RPS6KA5: variants seen among roughly 807,000 people sequenced by gnomAD.
RPS6KA5 encodes ribosomal protein S6 kinase A5.
RPS6KA5 carries 27 observed loss-of-function variants against 85.5 expected under a neutral mutation model. That is an observed-to-expected ratio of 0.32 (90% CI 0.23 to 0.44). The LOEUF is 0.44. Ranked by LOEUF, RPS6KA5 falls within the 20% of genes least tolerant of loss-of-function variation. The probability of loss-of-function intolerance (pLI) is 1.00; values close to 1 mark genes in which losing one functional copy is unlikely to be tolerated. For synonymous variants in RPS6KA5, 334 were observed against 348.2 expected (o/e 0.96, Z 0.46); for missense variants, 811 against 980.9 (o/e 0.83, Z 2.31).
chr14:90,977,974 G>C (rs916538245), intron 3 of RPS6KA5, among the ~76,000 whole-genome samples: 4 of 152,152 alleles, frequency 2.6e-5, no homozygotes, highest in African/African-American at 9.7e-5. Flanking sequence ...AGAATCACCT[G>C]AACCTGGGAG....
At chr14:90,942,407 T>C (rs2037620640) in intron 5 of RPS6KA5, among the ~76,000 whole-genome samples, 1 of 152,230 alleles carries the variant, frequency 6.6e-6, no homozygotes. Context: ...GAATAACTAG[T>C]AGTGCAGAAA....
chr14:90,965,825 T>C (rs778463587), intron 3 of RPS6KA5, among the ~76,000 whole-genome samples: 1 of 152,062 alleles, frequency 6.6e-6, no homozygotes, highest in Non-Finnish European at 1.5e-5. Context: ...TCTAGGTTAG[T>C]AAGGGTGCAG....
intron 2 of RPS6KA5, among the ~76,000 whole-genome samples, chr14:90,980,881 T>G (rs1406596554): frequency 6.6e-6 from 1 of 152,204 alleles, no homozygotes; most frequent in Non-Finnish European, 1.5e-5. Context: ...TTGAAAATCT[T>G]CCTTATATTG....
Position 90,872,022 on chromosome 14 carries a change from A to G in RPS6KA5, c.*52T>C. The G allele has an allele frequency of 6.4e-7, 1 of 1,562,394 alleles. No homozygotes were observed. Among genetic ancestry groups the G allele is most frequent in the Non-Finnish European group, 8.6e-7 (1 of 1,156,508 alleles). ...AAAAGCATAAAAGATCGCCTCAGGC[A>G]TATGCTGAGGGAATAAAGGTGCAAT... On this transcript the variant is annotated 3_prime_UTR_variant, in exon 17 of 17. Transcript: ENST00000614987.
At chr14:91,000,544 C>T (rs900237389) in intron 2 of RPS6KA5, among the ~76,000 whole-genome samples, 1 of 152,102 alleles carries the variant, frequency 6.6e-6, no homozygotes, top group Non-Finnish European at 1.5e-5. Context: ...TGCCTATAAT[C>T]CCAGCCCTCT....
At chr14:90,914,507 GTT>G (rs1321856929) in intron 7 of RPS6KA5, among the ~76,000 whole-genome samples, 2 of 151,852 alleles carry the variant, frequency 1.3e-5, no homozygotes, top group Non-Finnish European at 2.9e-5. Flanking sequence ...TAGAGATGGG[GTT>G]TTGCCATGTT....
Position 90,910,072 on chromosome 14 carries a change from G to A in RPS6KA5, c.807-3773C>T, listed in dbSNP as rs144875898. Reference sequence around the variant, plus strand: ...ATTACAGGCGTGAGCCACCGTGCCCGGCCAAAAACTTGCATTATTTAAAAA... The same window carrying A: ...ATTACAGGCGTGAGCCACCGTGCCCAGCCAAAAACTTGCATTATTTAAAAA... On this transcript the variant is annotated intron_variant, in intron 7 of 16. Transcript: ENST00000614987. Among the ~76,000 whole-genome samples, 878 of 150,880 alleles carry A rather than the reference G, an allele frequency of 5.8e-3. 15 individuals carry two copies. The highest frequency in any genetic ancestry group is 0.017 in the Middle Eastern group (5 of 294).
intron 13 of RPS6KA5, chr14:90,894,150 T>C (rs2034706171): frequency 4.2e-5 from 46 of 1,094,936 alleles, no homozygotes; most frequent in Non-Finnish European, 5.1e-5. Flanking sequence ...AACTGTTGCA[T>C]AAAGTATTTT....
chr14:90,917,946 C>T (rs1194691559), intron 7 of RPS6KA5, among the ~76,000 whole-genome samples: 1 of 152,120 alleles, frequency 6.6e-6, no homozygotes, highest in Admixed American at 6.5e-5. Context: ...TTGACAGATA[C>T]CTGGATTATT....
At chr14:90,968,584 TA>T (rs2039180593) in intron 3 of RPS6KA5, among the ~76,000 whole-genome samples, 1 of 152,106 alleles carries the variant, frequency 6.6e-6, no homozygotes, top group South Asian at 2.1e-4. Flanking sequence ...AACTTAAAGC[TA>T]AAAATAACCT....
intron 5 of RPS6KA5, among the ~76,000 whole-genome samples, chr14:90,933,280 T>A (rs566566949): frequency 3.9e-5 from 6 of 152,272 alleles, no homozygotes; most frequent in Non-Finnish European, 5.9e-5. Flanking sequence ...CTGCTTAACA[T>A]CTCTGCTGTG....
chr14:91,050,360 C>G (rs1006310768), intron 1 of RPS6KA5, among the ~76,000 whole-genome samples: 2 of 48,880 alleles, frequency 4.1e-5, no homozygotes, highest in Admixed American at 3.1e-4. Flanking sequence ...GCCTGGGCAA[C>G]AGAGAAGACC....
At chr14:90,966,828 A>C (rs1470784601) in intron 3 of RPS6KA5, among the ~76,000 whole-genome samples, 1 of 152,224 alleles carries the variant, frequency 6.6e-6, no homozygotes, top group African/African-American at 2.4e-5. Context: ...CTTAAGTTTC[A>C]GCATTGATAA....
At chr14:90,949,627 T>A (rs2038066283) in intron 3 of RPS6KA5, among the ~76,000 whole-genome samples, 1 of 152,184 alleles carries the variant, frequency 6.6e-6, no homozygotes, top group South Asian at 2.1e-4. Flanking sequence ...TGTACTCCTG[T>A]TTCAAATGCA....
chr14:91,032,476 C>A (rs1197340870), intron 1 of RPS6KA5, among the ~76,000 whole-genome samples: 1 of 152,074 alleles, frequency 6.6e-6, no homozygotes, highest in Non-Finnish European at 1.5e-5. Flanking sequence ...ACAGTTCCTC[C>A]CCACAAAGCA....
rs2140106678 is a variant in RPS6KA5, at chr14:90,858,207, A to T, written c.*13867T>A. The stretch of plus-strand genomic sequence containing the variant: ...AAACACATTCTTTGAGGCTAAAGCA[A>T]ATCTGACTGATTTTCAATGTGAAAA... On this transcript the variant is annotated 3_prime_UTR_variant, in exon 17 of 17. Coordinates refer to ENST00000614987, the MANE Select transcript of RPS6KA5 (RefSeq NM_004755.4). 1 of 152,292 alleles carries T rather than the reference A, an allele frequency of 6.6e-6. No individual in the cohort carries two copies. The highest frequency in any genetic ancestry group is 1.5e-5 in the Non-Finnish European group (1 of 68,014). The allele number at this position is 152,292 out of a possible 1,614,324, so 9.4% of individuals were successfully genotyped here. A position where few individuals can be genotyped will look rare whatever the true frequency, so the allele number is the denominator to read the frequency against.
At chr14:91,019,657 A>T (rs527530909) in intron 1 of RPS6KA5, among the ~76,000 whole-genome samples, 1 of 152,324 alleles carries the variant, frequency 6.6e-6, no homozygotes, top group South Asian at 2.1e-4. Context: ...TTACTTCATA[A>T]CACTGCAAAA....
chr14:91,028,105 T>C (rs2042052262), intron 1 of RPS6KA5, among the ~76,000 whole-genome samples: 1 of 152,198 alleles, frequency 6.6e-6, no homozygotes, highest in Non-Finnish European at 1.5e-5. Context: ...TTTGGCCAAA[T>C]GATGAAGACT....
chr14:90,906,334 AG>A (rs1566723027), intron 7 of RPS6KA5, 35 bp from the exon 8 acceptor site: 3 of 1,491,368 alleles, frequency 2.0e-6, no homozygotes, highest in Middle Eastern at 1.8e-4. Flanking sequence ...TAAAACAAAC[AG>A]GATGACAAAA....
Sources: allele counts gnomAD v4.1 joint callset (sites outside exome capture counted in the v4.1 genomes callset), GRCh38; gene constraint gnomAD v4.1.1; transcripts MANE v1.5; gene names NCBI Gene and HGNC (gene_info 2026-07-23, HGNC 2026-07-21).